Variants in PLEKHG7 observed in about 807,000 individuals in gnomAD.
PLEKHG7 encodes pleckstrin homology and RhoGEF domain containing G7.
A neutral mutation model predicts 85.2 loss-of-function variants in PLEKHG7; 77 were observed. The observed-to-expected ratio is 0.90, with a 90% CI of 0.75 to 1.09. PLEKHG7 has a LOEUF of 1.09. Among genes scored for constraint, PLEKHG7 ranks in the 50% least tolerant of loss-of-function variants. The probability of loss-of-function intolerance (pLI) is 0.00; values close to 1 mark genes in which losing one functional copy is unlikely to be tolerated. For synonymous variants in PLEKHG7, 301 were observed against 302.4 expected (o/e 1.00, Z 0.05); for missense variants, 777 against 804.3 (o/e 0.97, Z 0.41).
chr12:92,733,714 C>T (rs55695280), intron 5 of PLEKHG7, among the ~76,000 whole-genome samples: 34,021 of 152,074 alleles, frequency 0.22, 5,103 homozygotes, highest in Non-Finnish European at 0.33. Flanking sequence ...GACAGGGAAG[C>T]TCTGAGGGCT....
At chr12:92,711,170 TC>T (rs1447014681) in intron 3 of PLEKHG7, among the ~76,000 whole-genome samples, 1 of 152,220 alleles carries the variant, frequency 6.6e-6, no homozygotes, top group Non-Finnish European at 1.5e-5. Context: ...TGGGAAGATT[TC>T]CTTTCACCGT....
intron 13 of PLEKHG7, 69 bp from the exon 14 acceptor site, chr12:92,761,682 GA>G (rs1873037435): frequency 7.4e-7 from 1 of 1,356,948 alleles, no homozygotes; most frequent in East Asian, 3.3e-5. Flanking sequence ...AAGAAAGAAA[GA>G]AAGGGAAAGA....
At chr12:92,756,057 A>C (rs981295780) in intron 12 of PLEKHG7, 117 bp downstream of exon 12, 1 of 785,958 alleles carries the variant, frequency 1.3e-6, no homozygotes. Flanking sequence ...ATCTAGTTTC[A>C]TGAACAAGAA....
At chr12:92,768,843 A>G in intron 15 of PLEKHG7, 140 bp from the exon 16 acceptor site, 1 of 546,684 alleles carries the variant, frequency 1.8e-6, no homozygotes, top group South Asian at 2.9e-5. Context: ...AAAAAAAATT[A>G]TAAGCTAGAT....
At position 92,761,776 on chromosome 12, in the gene PLEKHG7, A is replaced by G. The variant is rs1873042273; in HGVS notation, c.1661A>G (p.Tyr554Cys). The G allele has an allele frequency of 1.3e-6, 2 of 1,578,356 alleles. No homozygotes were observed. The highest frequency in any genetic ancestry group is 1.4e-5 in the African/African-American group (1 of 72,312). Reference sequence around the variant, plus strand: ...GAAAGCACGAGATTCCTAGATGTTTATCTGTTTCTCTTCAATGATTTCCTC... The same window carrying G: ...GAAAGCACGAGATTCCTAGATGTTTGTCTGTTTCTCTTCAATGATTTCCTC... The part of the protein sequence containing the change: ...LAESTRFLDV[Y>C]LFLFNDFLLV... The change falls in exon 14 of 17, where the codon TAT becomes TGT. Residue 554 changes from tyrosine to cysteine, a missense_variant. Tyr to Cys is a radical substitution (Grantham distance 194, BLOSUM62 -2). Coordinates refer to ENST00000344636, the MANE Select transcript of PLEKHG7 (RefSeq NM_001377329.1).
rs1352185418 is a variant in PLEKHG7 at position 92,771,981 on chromosome 12, T to A, written c.*1786T>A. ...TGTCTAATATACAATATATTAGATGTTTGAGGATATGCACATTAAACTCTT... is the reference window on the plus strand; with the variant it reads ...TGTCTAATATACAATATATTAGATGATTGAGGATATGCACATTAAACTCTT... On this transcript the variant is annotated 3_prime_UTR_variant, in exon 17 of 17. Transcript: ENST00000344636. 6.6e-6 allele frequency: 1 copy of A among 151,882 alleles called. No individual in the cohort carries two copies. Among genetic ancestry groups the A allele is most frequent in the Non-Finnish European group, 1.5e-5 (1 of 67,858 alleles). 9.4% of individuals were successfully genotyped at this position (151,882 alleles called of 1,614,324 possible).
intron 3 of PLEKHG7, among the ~76,000 whole-genome samples, chr12:92,723,346 A>C (rs1362238111): frequency 2.6e-5 from 4 of 152,230 alleles, no homozygotes; most frequent in Non-Finnish European, 5.9e-5. Flanking sequence ...ATGAATCTAC[A>C]AAACATAAGA....
chr12:92,765,777 G>C (rs145422259), intron 15 of PLEKHG7, among the ~76,000 whole-genome samples: 4 of 152,268 alleles, frequency 2.6e-5, no homozygotes, highest in African/African-American at 7.2e-5. Flanking sequence ...GGGTGACAGA[G>C]TGAGACCCTG....
intron 3 of PLEKHG7, among the ~76,000 whole-genome samples, chr12:92,711,413 T>A (rs1169504945): frequency 6.6e-6 from 1 of 152,156 alleles, no homozygotes; most frequent in Non-Finnish European, 1.5e-5. Context: ...TATAACCTAC[T>A]TGTGCCTTCA....
chr12:92,740,771 GTT>G, intron 7 of PLEKHG7, 80 bp from the exon 8 acceptor site: 1 of 871,106 alleles, frequency 1.1e-6, no homozygotes. Flanking sequence ...CACCCAGGAG[GTT>G]TATGTTTAAA....
chr12:92,734,005 A>C (rs1287964635), intron 5 of PLEKHG7, among the ~76,000 whole-genome samples: 1 of 152,242 alleles, frequency 6.6e-6, no homozygotes, highest in African/African-American at 2.4e-5. Context: ...GGAAGCAATG[A>C]GGGAGATACA....
intron 4 of PLEKHG7, among the ~76,000 whole-genome samples, chr12:92,730,329 G>T (rs1871946438): frequency 6.6e-6 from 1 of 152,186 alleles, no homozygotes; most frequent in Admixed American, 6.5e-5. Context: ...CATTTTAAGA[G>T]GCTTTAGAAT....
chr12:92,738,297 C>T (rs1016285497), intron 7 of PLEKHG7, among the ~76,000 whole-genome samples: 6 of 151,238 alleles, frequency 4.0e-5, no homozygotes, highest in Non-Finnish European at 8.9e-5. Flanking sequence ...CAGCTTCCTC[C>T]CAGGACCACA....
intron 12 of PLEKHG7, 24 bp from the exon 13 acceptor site, chr12:92,756,274 T>C (rs1565796116): frequency 5.8e-6 from 9 of 1,539,572 alleles, no homozygotes; most frequent in Non-Finnish European, 8.1e-6. Context: ...AACATCTCTT[T>C]TATTTTCTCG....
chr12:92,744,656 C>CTT (rs869270724), intron 9 of PLEKHG7, among the ~76,000 whole-genome samples: 11 of 138,206 alleles, frequency 8.0e-5, no homozygotes, highest in African/African-American at 1.9e-4. Context: ...TCCCAAATTT[C>CTT]TTTTTTTTTT....
chr12:92,731,554 C>T (rs1250029714), intron 4 of PLEKHG7, among the ~76,000 whole-genome samples: 4 of 152,184 alleles, frequency 2.6e-5, no homozygotes, highest in Admixed American at 6.5e-5. Flanking sequence ...GGTAGCATTA[C>T]AACTTTATGC....
chr12:92,736,436 A>G, intron 5 of PLEKHG7, 46 bp from the exon 6 acceptor site: 1 of 1,119,382 alleles, frequency 8.9e-7, no homozygotes, highest in East Asian at 3.2e-5. Flanking sequence ...TCATGTCATT[A>G]AAGAATCAAT....
chr12:92,727,466 G>A (rs1312154589), intron 3 of PLEKHG7, among the ~76,000 whole-genome samples: 1 of 151,946 alleles, frequency 6.6e-6, no homozygotes, highest in Non-Finnish European at 1.5e-5. Flanking sequence ...TATGTCTATG[G>A]GTACCCATTG....
At chr12:92,748,753 C>T (rs1163199896) in intron 10 of PLEKHG7, among the ~76,000 whole-genome samples, 1 of 152,200 alleles carries the variant, frequency 6.6e-6, no homozygotes, top group Non-Finnish European at 1.5e-5. Context: ...AAATCCAGTG[C>T]TCTTCATATC....
Sources: gnomAD v4.1 joint callset for allele counts (sites outside exome capture counted in the v4.1 genomes callset) on GRCh38, gnomAD v4.1.1 for gene constraint, MANE v1.5 for transcripts, NCBI Gene and HGNC (gene_info 2026-07-23, HGNC 2026-07-21) for gene names.